The following VWA8 variants were observed in gnomAD, a reference collection of about 807,000 sequenced individuals.
VWA8 encodes the protein von Willebrand factor A domain-containing protein 8.
In VWA8, 221 loss-of-function variants were observed where a neutral mutation model predicts 241.5. The observed-to-expected ratio is 0.91, with a 90% CI of 0.82 to 1.02. The LOEUF (loss-of-function observed/expected upper bound fraction) is 1.02, where lower values mean the gene tolerates loss of function less well. Ranked by LOEUF, VWA8 falls within the 50% of genes least tolerant of loss-of-function variation. The pLI is 0.00. For synonymous variants in VWA8, 852 were observed against 827.1 expected, an observed-to-expected ratio of 1.03 and a Z score of -0.52; for missense variants, 2,322 against 2,328.7, an observed-to-expected ratio of 1.00 and a Z score of 0.06.
At chr13:41,954,462 A>G (rs1347679083) in intron 1 of VWA8, among the ~76,000 whole-genome samples, 1 of 152,164 alleles carries the variant, frequency 6.6e-6, no homozygotes, top group Non-Finnish European at 1.5e-5. Context: ...GACCTTCCAC[A>G]TCTCTCTCAC....
At position 41,828,653 on chromosome 13, in the gene VWA8, T is replaced by C. The variant is rs111575670; in HGVS notation, c.1700+1876A>G. Reference sequence around the variant, plus strand: ...GAAAGAGAGAGAAAATGTCTGTTTATACACACACACATACATGTCTTTTTT... The same window carrying C: ...GAAAGAGAGAGAAAATGTCTGTTTACACACACACACATACATGTCTTTTTT... On this transcript the variant is annotated intron_variant, in intron 14 of 44. Coordinates refer to ENST00000379310, the MANE Select transcript of VWA8 (RefSeq NM_015058.2). Among the ~76,000 whole-genome samples the C allele has an allele frequency of 6.2e-3, 944 of 152,234 alleles. 8 individuals carry two copies. The highest frequency in any genetic ancestry group is 0.022 in the African/African-American group (900 of 41,550).
At chr13:41,729,426 G>A (rs2045463104) in intron 23 of VWA8, 116 bp downstream of exon 23, 1 of 1,013,378 alleles carries the variant, frequency 9.9e-7, no homozygotes, top group Non-Finnish European at 1.4e-6. Flanking sequence ...GGCAACTTAA[G>A]TCATATTGAA....
chr13:41,920,956 A>T (rs1007063908), intron 2 of VWA8, among the ~76,000 whole-genome samples: 1 of 152,238 alleles, frequency 6.6e-6, no homozygotes, highest in Non-Finnish European at 1.5e-5. Flanking sequence ...TCATCCTGAT[A>T]CCAAAGCCTG....
chr13:41,854,055 A>G (rs751100464), intron 12 of VWA8, among the ~76,000 whole-genome samples: 4 of 152,132 alleles, frequency 2.6e-5, no homozygotes, highest in Non-Finnish European at 5.9e-5. Context: ...AGAGTCAGTT[A>G]CCATTGTGTA....
chr13:41,584,384 A>G (rs1307992181), intron 42 of VWA8, among the ~76,000 whole-genome samples: 5 of 152,174 alleles, frequency 3.3e-5, no homozygotes, highest in Admixed American at 6.5e-5. Flanking sequence ...AGGTGACCCC[A>G]GTTCTAAAGT....
At chr13:41,773,233 G>A (rs1237569339) in intron 20 of VWA8, among the ~76,000 whole-genome samples, 2 of 152,198 alleles carry the variant, frequency 1.3e-5, no homozygotes, top group Admixed American at 6.5e-5. Flanking sequence ...AGAGCTGAGA[G>A]TCAATTGTCC....
At chr13:41,663,575 A>T in intron 37 of VWA8, among the ~76,000 whole-genome samples, 1 of 151,942 alleles carries the variant, frequency 6.6e-6, no homozygotes, top group Non-Finnish European at 1.5e-5. Context: ...TAATATTCTT[A>T]TGTCTCCTTA....
chr13:41,697,604 G>A (rs1028690796), intron 29 of VWA8, among the ~76,000 whole-genome samples: 18 of 152,120 alleles, frequency 1.2e-4, no homozygotes, highest in Admixed American at 1.0e-3. Context: ...TACAAGGAGC[G>A]CACAACCTAG....
chr13:41,778,906 A>G (rs1325824317), intron 19 of VWA8, among the ~76,000 whole-genome samples: 1 of 124,934 alleles, frequency 8.0e-6, no homozygotes, highest in Admixed American at 1.1e-4. Context: ...CAGTGGCGCG[A>G]TCTCGGCTCA....
intron 43 of VWA8, 91 bp downstream of exon 43, chr13:41,575,648 CT>C (rs3831240): frequency 0.018 from 15,433 of 858,606 alleles, 359 homozygotes; most frequent in East Asian, 0.097. Flanking sequence ...TTTTTCTTTC[CT>C]GTGTATCTGC....
chr13:41,909,953 C>T (rs566970388), intron 3 of VWA8, among the ~76,000 whole-genome samples: 81 of 152,308 alleles, frequency 5.3e-4, no homozygotes, highest in African/African-American at 1.9e-3. Flanking sequence ...AAGATCTCAT[C>T]CACTCTGGCT....
intron 9 of VWA8, among the ~76,000 whole-genome samples, chr13:41,879,125 C>T (rs578140491): frequency 1.3e-5 from 2 of 152,170 alleles, no homozygotes; most frequent in African/African-American, 2.4e-5. Context: ...TACTCTACTT[C>T]GATGACCAAT....
chr13:41,703,490 A>T, intron 26 of VWA8, 79 bp from the exon 27 acceptor site: 1 of 1,212,712 alleles, frequency 8.2e-7, no homozygotes, highest in Non-Finnish European at 1.2e-6. Context: ...ATCTATTATC[A>T]ACCACACAAA....
intron 41 of VWA8, among the ~76,000 whole-genome samples, chr13:41,589,375 G>T (rs1040484608): frequency 6.6e-6 from 1 of 152,036 alleles, no homozygotes; most frequent in Non-Finnish European, 1.5e-5. Flanking sequence ...AATCACTAAG[G>T]TTGTTTTATT....
At chr13:41,591,094 T>C (rs1182411708) in intron 40 of VWA8, among the ~76,000 whole-genome samples, 1 of 152,242 alleles carries the variant, frequency 6.6e-6, no homozygotes, top group Non-Finnish European at 1.5e-5. Flanking sequence ...CAAAAGTTTA[T>C]TAGTTAAAAT....
chr13:41,771,366 G>A (rs912413586), intron 20 of VWA8, among the ~76,000 whole-genome samples: 2 of 152,076 alleles, frequency 1.3e-5, no homozygotes, highest in East Asian at 1.9e-4. Context: ...CAGGTGATCC[G>A]CCCACCTTGG....
At position 41,703,396 on chromosome 13, in the gene VWA8, T is replaced by C. The variant is rs1156860180; in HGVS notation, c.3132A>G (p.Glu1044=). 6.2e-7 allele frequency: 1 copy of C among 1,614,100 alleles called. No homozygotes were observed. Among genetic ancestry groups the C allele is most frequent in the Non-Finnish European group, 8.5e-7 (1 of 1,179,966 alleles). The change falls in exon 27 of 45, where the codon GAA becomes GAG. Residue 1044 remains glutamate, a synonymous_variant. Coordinates refer to ENST00000379310, the MANE Select transcript of VWA8 (RefSeq NM_015058.2). Reference sequence around the variant, plus strand: ...TTGTCCAGTAGCCCATGAACGTTTGTTCTGGCAGAGTCAACCTGTTAAGGA... The same window carrying C: ...TTGTCCAGTAGCCCATGAACGTTTGCTCTGGCAGAGTCAACCTGTTAAGGA... ...VQLAKELTLP[E]QTFMGYWTIG...
At chr13:41,728,595 A>G (rs2137859923) in intron 23 of VWA8, among the ~76,000 whole-genome samples, 1 of 152,028 alleles carries the variant, frequency 6.6e-6, no homozygotes, top group Middle Eastern at 3.4e-3. Context: ...AAGGGCAGGC[A>G]GAATTCTGAG....
chr13:41,756,527 T>C (rs1457261763), intron 21 of VWA8, among the ~76,000 whole-genome samples: 1 of 151,740 alleles, frequency 6.6e-6, no homozygotes, highest in Non-Finnish European at 1.5e-5. Context: ...CTGATTTTAA[T>C]TTCCAAAGCC....
Sources: gnomAD v4.1 joint callset for allele counts (sites outside exome capture counted in the v4.1 genomes callset) on GRCh38, gnomAD v4.1.1 for gene constraint, MANE v1.5 for transcripts, NCBI Gene and HGNC (gene_info 2026-07-23, HGNC 2026-07-21) for gene names.